MRS2: variants seen among roughly 807,000 people sequenced by gnomAD.
MRS2 encodes magnesium transporter MRS2.
MRS2 carries 40 observed loss-of-function variants against 52.6 expected under a neutral mutation model. The ratio of observed to expected loss-of-function variants is 0.76; its 90% CI spans 0.59 to 0.99. MRS2 has a LOEUF of 0.99. MRS2 is among the 50% of genes least tolerant of loss of function. The pLI is 0.00. For synonymous variants in MRS2, 193 were observed against 195.9 expected, an observed-to-expected ratio of 0.98 and a Z score of 0.13; for missense variants, 472 against 532.7, an observed-to-expected ratio of 0.89 and a Z score of 1.12.
At position 24,423,705 on chromosome 6, in the gene MRS2, G is replaced by A. The variant is rs751352630; in HGVS notation, c.*11G>A. The A allele has an allele frequency of 2.1e-5, 31 of 1,443,720 alleles. No individual in the cohort carries two copies. The highest frequency in any genetic ancestry group is 1.8e-4 in the Middle Eastern group (1 of 5,632). 89.4% of individuals were successfully genotyped at this position (1,443,720 alleles called of 1,614,324 possible). A position where few individuals can be genotyped will look rare whatever the true frequency, so the allele number is the denominator to read the frequency against. ...CTAACAAACCGTTAGGAACAGCCCC[G>A]TGGATACTGAAGTTTTTTTTATGGT... On this transcript the variant is annotated 3_prime_UTR_variant, in exon 11 of 11. Transcript: ENST00000378386.
chr6:24,414,625 G>A (rs573425997), intron 5 of MRS2, among the ~76,000 whole-genome samples: 1 of 152,104 alleles, frequency 6.6e-6, no homozygotes, highest in South Asian at 2.1e-4. Flanking sequence ...CGACAAAACC[G>A]CCATCATCAT....
At position 24,418,534 on chromosome 6, in the gene MRS2, A is replaced by C. The variant is rs1228384799; in HGVS notation, c.1063A>C (p.Met355Leu). 1 of 1,614,024 alleles carries C rather than the reference A, an allele frequency of 6.2e-7. No individual in the cohort carries two copies. The highest frequency in any genetic ancestry group is 8.5e-7 in the Non-Finnish European group (1 of 1,179,938). ...GTFSLSLFGL[M>L]GVAFGMNLES... is the part of the protein sequence containing the mutation. ...CTTCTCTCTTTCGCTCTTTGGACTA[A>C]TGGGAGTTGCTTTTGGAATGAATTT... Residue 355 changes from methionine (M) to leucine (L), a missense_variant, in exon 9 of 11, where the codon ATG becomes CTG. Physicochemically the swap from Met to Leu is conservative, Grantham distance 15. Coordinates refer to ENST00000378386, the MANE Select transcript of MRS2 (RefSeq NM_020662.4).
rs1166415712 is a variant in MRS2 at position 24,425,847 on chromosome 6, C to A, written c.*2153C>A. On this transcript the variant is annotated 3_prime_UTR_variant, in exon 11 of 11. Coordinates refer to ENST00000378386, the MANE Select transcript of MRS2 (RefSeq NM_020662.4). ...CACTAACCAATTTTATATTAAAAAG[C>A]TATTTATTTTGGTGAGTTATTCCAA... 2 of 152,166 alleles carry A rather than the reference C, an allele frequency of 1.3e-5. No homozygotes were observed. Among genetic ancestry groups the A allele is most frequent in the African/African-American group, 4.8e-5 (2 of 41,440 alleles). The allele number at this position is 152,166 out of a possible 1,614,324, so 9.4% of individuals were successfully genotyped here.
chr6:24,418,592 A>T lies in MRS2; in HGVS notation c.1107+14A>T. On this transcript the variant is annotated intron_variant, in intron 9 of 10. Transcript: ENST00000378386. ...TCCCTTGAAGAGGTGAGAATGTATT[A>T]TTATTTCTAAAACTTGGGGGTTTTG... 1 of 1,592,472 alleles carries T rather than the reference A, an allele frequency of 6.3e-7. No individual in the cohort carries two copies. The highest frequency in any genetic ancestry group is 8.6e-7 in the Non-Finnish European group (1 of 1,161,398).
intron 3 of MRS2, 33 bp from the exon 4 acceptor site, chr6:24,409,428 T>G: frequency 7.6e-7 from 1 of 1,324,144 alleles, no homozygotes; most frequent in South Asian, 1.3e-5. Context: ...TTAATGTATT[T>G]GGTTTAGCCC....
chr6:24,418,415 ATAGT>A (rs745533219), intron 8 of MRS2, 42 bp from the exon 9 acceptor site: 7 of 1,611,058 alleles, frequency 4.3e-6, no homozygotes, highest in African/African-American at 1.3e-5. Flanking sequence ...TGTGCTGTAT[ATAGT>A]TAGTGGGCCC....
Position 24,402,973 on chromosome 6 carries a change from G to T in MRS2, c.-74G>T, listed in dbSNP as rs1192415481. ...GGTCGGGCGGTAGCGACAGGTCAGA[G>T]CTGCGGCCTGAGCAGCCAGCGTCCG... is the stretch of plus-strand genomic sequence containing the variant. On this transcript the variant is annotated 5_prime_UTR_variant, in exon 1 of 11. Transcript: ENST00000378386. 3.5e-6 allele frequency: 5 copies of T among 1,413,064 alleles called. No individual in the cohort carries two copies. Among genetic ancestry groups the T allele is most frequent in the Admixed American group, 2.3e-5 (1 of 43,780 alleles). 87.5% of individuals were successfully genotyped at this position (1,413,064 alleles called of 1,614,324 possible). A position where few individuals can be genotyped will look rare whatever the true frequency, so the allele number is the denominator to read the frequency against.
chr6:24,414,791 C>T (rs901816184), intron 5 of MRS2, among the ~76,000 whole-genome samples: 8 of 152,154 alleles, frequency 5.3e-5, no homozygotes, highest in African/African-American at 7.2e-5. Flanking sequence ...AAGACTCTTA[C>T]GAGAGTTAGC....
chr6:24,412,165 G>A (rs368747253), intron 4 of MRS2, 57 bp from the exon 5 acceptor site: 3 of 919,452 alleles, frequency 3.3e-6, no homozygotes, highest in East Asian at 2.6e-5. Context: ...GTATATACAT[G>A]CATGTGTGTA....
chr6:24,423,679 C>T lies in MRS2; in HGVS notation c.1317C>T (p.Ile439=). ...RLDGLGSGRS[I]LTNR is the part of the protein sequence containing the mutation. ...ATGGACTTGGATCAGGAAGGAGCAT[C>T]CTAACAAACCGTTAGGAACAGCCCC... is the stretch of plus-strand genomic sequence containing the variant. The change falls in exon 11 of 11, where the codon ATC becomes ATT. Residue 439 remains isoleucine (I), a synonymous_variant. Transcript: ENST00000378386. The T allele has an allele frequency of 6.2e-7, 1 of 1,605,170 alleles. No homozygotes were observed. Among genetic ancestry groups the T allele is most frequent in the Non-Finnish European group, 8.5e-7 (1 of 1,172,910 alleles).
At chr6:24,408,377 A>G (rs192446471) in intron 2 of MRS2, 31 bp from the exon 3 acceptor site, 327 of 1,428,198 alleles carry the variant, frequency 2.3e-4, no homozygotes, top group Non-Finnish European at 3.0e-4. Flanking sequence ...TTTGAAAGAA[A>G]ATCATAATTT....
intron 2 of MRS2, among the ~76,000 whole-genome samples, chr6:24,405,756 T>C (rs942630871): frequency 1.4e-5 from 2 of 146,684 alleles, no homozygotes; most frequent in African/African-American, 5.0e-5. Flanking sequence ...TGTAATATTC[T>C]TGCAACTTCT....
intron 1 of MRS2, 144 bp from the exon 2 acceptor site, chr6:24,405,024 A>G: frequency 1.8e-6 from 1 of 560,862 alleles, no homozygotes; most frequent in Non-Finnish European, 3.1e-6. Flanking sequence ...AAAATTAAGA[A>G]GAGTATTTCT....
At chr6:24,419,372 G>T (rs1021658674) in intron 9 of MRS2, 1 of 152,176 alleles carries the variant, frequency 6.6e-6, no homozygotes, top group Non-Finnish European at 1.5e-5. Flanking sequence ...AGGTTACTTT[G>T]TTTCCCAAAA....
At chr6:24,423,133 T>A (rs1392321908) in intron 10 of MRS2, 83 bp downstream of exon 10, 21 of 1,088,656 alleles carry the variant, frequency 1.9e-5, no homozygotes, top group Non-Finnish European at 2.7e-5. Context: ...GATTAAGTTG[T>A]CACAGGCACT....
Position 24,402,953 on chromosome 6 carries a change from G to C in MRS2, c.-94G>C. Reference sequence around the variant, plus strand: ...CCTGGTGCACAGAGTCTGCAGGTCGGGCGGTAGCGACAGGTCAGAGCTGCG... The same window carrying C: ...CCTGGTGCACAGAGTCTGCAGGTCGCGCGGTAGCGACAGGTCAGAGCTGCG... On this transcript the variant is annotated 5_prime_UTR_variant, in exon 1 of 11. Coordinates refer to ENST00000378386, the MANE Select transcript of MRS2 (RefSeq NM_020662.4). 1.6e-6 allele frequency: 2 copies of C among 1,216,296 alleles called. No homozygotes were observed. Among genetic ancestry groups the C allele is most frequent in the Non-Finnish European group, 2.3e-6 (2 of 885,580 alleles). The allele number at this position is 1,216,296 out of a possible 1,614,324, so 75.3% of individuals were successfully genotyped here. A position where few individuals can be genotyped will look rare whatever the true frequency, so the allele number is the denominator to read the frequency against.
At chr6:24,420,561 T>C (rs778774253) in intron 9 of MRS2, among the ~76,000 whole-genome samples, 5 of 152,208 alleles carry the variant, frequency 3.3e-5, no homozygotes, top group Admixed American at 1.3e-4. Context: ...TAGGTTATAT[T>C]GTAGTGGAGG....
chr6:24,404,514 G>A (rs1293098641), intron 1 of MRS2, among the ~76,000 whole-genome samples: 2 of 152,096 alleles, frequency 1.3e-5, no homozygotes, highest in Non-Finnish European at 2.9e-5. Context: ...TACTTTGGAA[G>A]CACAAAACAG....
intron 5 of MRS2, among the ~76,000 whole-genome samples, chr6:24,413,808 T>C (rs1315894811): frequency 3.9e-5 from 6 of 152,256 alleles, no homozygotes; most frequent in African/African-American, 1.4e-4. Flanking sequence ...GTCATCAGTT[T>C]TACCGCTTGA....
Sources: allele counts gnomAD v4.1 joint callset (sites outside exome capture counted in the v4.1 genomes callset), GRCh38; gene constraint gnomAD v4.1.1; transcripts MANE v1.5; gene names NCBI Gene and HGNC (gene_info 2026-07-23, HGNC 2026-07-21).